Variants in DLG2 observed in about 807,000 individuals in gnomAD.
DLG2 encodes discs large MAGUK scaffold protein 2.
In DLG2, 45 loss-of-function variants were observed where a neutral mutation model predicts 132.5. The ratio of observed to expected loss-of-function variants is 0.34; its 90% CI spans 0.27 to 0.44. The LOEUF (loss-of-function observed/expected upper bound fraction) is 0.44, where lower values mean the gene tolerates loss of function less well. DLG2 is among the 20% of genes least tolerant of loss of function. The pLI is 1.00. For synonymous variants in DLG2, 424 were observed against 419.6 expected (o/e 1.01, Z -0.13); for missense variants, 1,045 against 1,196.9 (o/e 0.87, Z 1.87).
intron 25 of DLG2, among the ~76,000 whole-genome samples, chr11:83,467,806 TATATAC>T (rs1161170109): frequency 1.4e-4 from 14 of 100,032 alleles, no homozygotes; most frequent in Non-Finnish European, 2.3e-4. Context: ...TATATATATA[TATATAC>T]ACACACACAT....
chr11:85,156,639 G>A (rs1310111662), intron 4 of DLG2, among the ~76,000 whole-genome samples: 22 of 152,162 alleles, frequency 1.4e-4, no homozygotes, highest in Admixed American at 1.4e-3. Flanking sequence ...GTAAGGACCT[G>A]TCCTCTGATG....
intron 18 of DLG2, among the ~76,000 whole-genome samples, chr11:83,716,950 A>G (rs1379788016): frequency 1.3e-5 from 2 of 152,186 alleles, no homozygotes; most frequent in Admixed American, 6.6e-5. Flanking sequence ...AAATGCTCTA[A>G]CAACCATACT....
At chr11:85,219,211 CT>C (rs1343745801) in intron 4 of DLG2, among the ~76,000 whole-genome samples, 3 of 152,110 alleles carry the variant, frequency 2.0e-5, no homozygotes, top group African/African-American at 7.2e-5. Flanking sequence ...CATGTACCCC[CT>C]GTATCTAAAA....
intron 6 of DLG2, among the ~76,000 whole-genome samples, chr11:85,090,068 T>G (rs1016084377): frequency 6.6e-6 from 1 of 152,220 alleles, no homozygotes; most frequent in African/African-American, 2.4e-5. Context: ...GCTATGTTCT[T>G]TGTCCCTGAG....
intron 3 of DLG2, among the ~76,000 whole-genome samples, chr11:85,303,000 C>T (rs1277675911): frequency 6.6e-6 from 1 of 152,178 alleles, no homozygotes; most frequent in Non-Finnish European, 1.5e-5. Flanking sequence ...AGCACAGTCA[C>T]TCCTTTAGTA....
At chr11:84,608,524 T>C (rs116275829) in intron 6 of DLG2, among the ~76,000 whole-genome samples, 2,338 of 152,272 alleles carry the variant, frequency 0.015, 68 homozygotes, top group African/African-American at 0.053. Context: ...GAGGGAACAC[T>C]GCACTACTTT....
chr11:84,022,711 T>A (rs550382592), intron 11 of DLG2, among the ~76,000 whole-genome samples: 2 of 152,028 alleles, frequency 1.3e-5, no homozygotes, highest in Non-Finnish European at 2.9e-5. Flanking sequence ...AGTAGAAAAA[T>A]GGAGGAAGAA....
intron 7 of DLG2, among the ~76,000 whole-genome samples, chr11:84,528,110 T>C (rs2154519471): frequency 6.6e-6 from 1 of 152,328 alleles, no homozygotes; most frequent in East Asian, 1.9e-4. Context: ...TCCCCATTAC[T>C]TAGTGCTATA....
intron 6 of DLG2, among the ~76,000 whole-genome samples, chr11:84,619,995 C>A (rs1232741133): frequency 6.7e-6 from 1 of 150,144 alleles, no homozygotes; most frequent in Admixed American, 6.7e-5. Context: ...CAAAGACACA[C>A]CTGAAGAAAA....
At chr11:83,662,502 C>A (rs1464023622) in intron 18 of DLG2, among the ~76,000 whole-genome samples, 2 of 152,172 alleles carry the variant, frequency 1.3e-5, no homozygotes, top group African/African-American at 4.8e-5. Context: ...GGAACAAATA[C>A]TTCTAAGGAA....
chr11:84,266,844 T>G (rs556362739), intron 7 of DLG2, among the ~76,000 whole-genome samples: 2 of 152,224 alleles, frequency 1.3e-5, no homozygotes, highest in Non-Finnish European at 2.9e-5. Flanking sequence ...AAATTCTCCC[T>G]TCTTAAGTAT....
chr11:84,035,522 A>T (rs2095841059), intron 11 of DLG2, among the ~76,000 whole-genome samples: 1 of 152,220 alleles, frequency 6.6e-6, no homozygotes, highest in African/African-American at 2.4e-5. Context: ...GAACTTTGAA[A>T]CAGTTGTAAG....
chr11:84,626,847 A>ACATTTTATTTTATTT (rs373094154), intron 6 of DLG2, among the ~76,000 whole-genome samples: 17,834 of 144,006 alleles, frequency 0.12, 2,220 homozygotes, highest in African/African-American at 0.26. Flanking sequence ...CATCAATTAC[A>ACATTTTATTTTATTT]TATTTTATTT....
At chr11:83,796,221 A>T (rs1460380738) in intron 17 of DLG2, among the ~76,000 whole-genome samples, 4 of 152,180 alleles carry the variant, frequency 2.6e-5, no homozygotes, top group Non-Finnish European at 5.9e-5. Context: ...CCTCCATGTG[A>T]CACTGGATCA....
At chr11:84,165,313 A>G (rs2095636766) in intron 8 of DLG2, among the ~76,000 whole-genome samples, 3 of 152,226 alleles carry the variant, frequency 2.0e-5, no homozygotes, top group Non-Finnish European at 4.4e-5. Flanking sequence ...CTTAAAAGAC[A>G]AGAATATTTT....
chr11:85,395,967 G>A (rs535719258), intron 3 of DLG2, among the ~76,000 whole-genome samples: 5 of 152,326 alleles, frequency 3.3e-5, no homozygotes, highest in Admixed American at 6.5e-5. Flanking sequence ...CTCCTCAAGT[G>A]AGTCCCTGAC....
intron 4 of DLG2, among the ~76,000 whole-genome samples, chr11:85,173,088 C>T (rs182525374): frequency 2.6e-5 from 4 of 152,042 alleles, no homozygotes; most frequent in African/African-American, 7.2e-5. Flanking sequence ...CCTAGCAAAT[C>T]GGGCCAACAT....
chr11:85,405,997 G>C (rs537298950), intron 3 of DLG2, among the ~76,000 whole-genome samples: 8 of 151,872 alleles, frequency 5.3e-5, no homozygotes, highest in Non-Finnish European at 1.2e-4. Context: ...AACTAAGCTA[G>C]ATATACTCAT....
intron 6 of DLG2, among the ~76,000 whole-genome samples, chr11:84,734,095 G>T (rs1477017596): frequency 6.6e-6 from 1 of 152,048 alleles, no homozygotes; most frequent in Admixed American, 6.6e-5. Context: ...TTGTTCTCTT[G>T]GCTTAGGATT....
Sources: gnomAD v4.1 joint callset for allele counts (sites outside exome capture counted in the v4.1 genomes callset) on GRCh38, gnomAD v4.1.1 for gene constraint, MANE v1.5 for transcripts, NCBI Gene and HGNC (gene_info 2026-07-23, HGNC 2026-07-21) for gene names.